Variants in DCC observed in about 807,000 individuals in gnomAD.
The protein encoded by DCC is DCC netrin 1 receptor.
In DCC, 58 loss-of-function variants were observed where a neutral mutation model predicts 172.5. The observed-to-expected ratio is 0.34, with a 90% confidence interval of 0.27 to 0.42. The LOEUF is 0.42. DCC is among the 10% of genes least tolerant of loss of function. The pLI is 1.00. For synonymous variants in DCC, 709 were observed against 644.5 expected (o/e 1.10, Z -1.52); for missense variants, 1,740 against 1,791.0 (o/e 0.97, Z 0.51).
intron 5 of DCC, among the ~76,000 whole-genome samples, chr18:53,055,706 C>G (rs531901639): frequency 1.3e-5 from 2 of 152,128 alleles, no homozygotes; most frequent in South Asian, 4.1e-4. Context: ...TGAGAGAGTA[C>G]AGATATGTAG....
At chr18:53,022,934 T>C (rs947234876) in intron 5 of DCC, among the ~76,000 whole-genome samples, 3 of 152,142 alleles carry the variant, frequency 2.0e-5, no homozygotes, top group Admixed American at 2.0e-4. Flanking sequence ...ATGTCAATGA[T>C]ATCCCCTTGA....
intron 13 of DCC, among the ~76,000 whole-genome samples, chr18:53,311,934 G>C (rs2057273397): frequency 2.0e-5 from 3 of 152,044 alleles, no homozygotes; most frequent in Admixed American, 1.3e-4. Flanking sequence ...CAATGCATTC[G>C]TGATTGTATC....
chr18:53,462,862 A>G (rs1382818172), intron 24 of DCC, among the ~76,000 whole-genome samples: 1 of 152,194 alleles, frequency 6.6e-6, no homozygotes, highest in Non-Finnish European at 1.5e-5. Context: ...AACTTTTCAC[A>G]TGCCCACTTG....
At position 53,058,294 on chromosome 18, in the gene DCC, A is replaced by G. The variant is rs575974824; in HGVS notation, c.986-5011A>G. Among the ~76,000 whole-genome samples the G allele has an allele frequency of 3.3e-5, 5 of 152,292 alleles. No individual in the cohort carries two copies. The South Asian group carries it at 1.0e-3, about 32-fold the overall frequency. ...CAGAAAAGGAATGAGAAAAAATAAG[A>G]TTTGAGCAGGGAAGTTTTTAACCTC... On this transcript the variant is annotated intron_variant, in intron 5 of 28. Coordinates refer to ENST00000442544, the MANE Select transcript of DCC (RefSeq NM_005215.4).
intron 7 of DCC, among the ~76,000 whole-genome samples, chr18:53,145,288 T>C (rs1262595541): frequency 6.6e-6 from 1 of 152,064 alleles, no homozygotes; most frequent in Non-Finnish European, 1.5e-5. Flanking sequence ...TAATTGTTTG[T>C]ATTTTTGGAA....
At chr18:53,195,789 A>G (rs548497795) in intron 9 of DCC, among the ~76,000 whole-genome samples, 1 of 152,192 alleles carries the variant, frequency 6.6e-6, no homozygotes, top group Non-Finnish European at 1.5e-5. Flanking sequence ...TTATCATCCC[A>G]GATTCCTATG....
At chr18:52,781,307 A>G (rs535124070) in intron 2 of DCC, among the ~76,000 whole-genome samples, 20 of 152,246 alleles carry the variant, frequency 1.3e-4, no homozygotes, top group African/African-American at 4.8e-4. Flanking sequence ...GTGCGGGAAG[A>G]TCAGAGTGAC....
chr18:52,658,905 A>C (rs908617169), intron 1 of DCC, among the ~76,000 whole-genome samples: 3 of 149,674 alleles, frequency 2.0e-5, no homozygotes, highest in Non-Finnish European at 4.5e-5. Flanking sequence ...CTTTGATCCC[A>C]ATGGAAGTTA....
intron 15 of DCC, among the ~76,000 whole-genome samples, chr18:53,343,302 C>A (rs893895514): frequency 1.3e-5 from 2 of 152,042 alleles, no homozygotes; most frequent in Non-Finnish European, 2.9e-5. Flanking sequence ...TACCTCTGGT[C>A]TCTTTAAGCC....
chr18:53,165,659 G>A (rs1377592493), intron 8 of DCC, among the ~76,000 whole-genome samples: 1 of 152,150 alleles, frequency 6.6e-6, no homozygotes, highest in African/African-American at 2.4e-5. Context: ...TATTTCTCCA[G>A]TGGACTTAAT....
chr18:52,840,036 A>C (rs1260635156), intron 2 of DCC, among the ~76,000 whole-genome samples: 2 of 152,190 alleles, frequency 1.3e-5, no homozygotes, highest in African/African-American at 4.8e-5. Context: ...TTTCTCGTTC[A>C]TTAGTTCTCC....
chr18:53,225,015 G>A (rs760806305), intron 12 of DCC, among the ~76,000 whole-genome samples: 10 of 152,110 alleles, frequency 6.6e-5, no homozygotes, highest in Non-Finnish European at 1.3e-4. Context: ...TTTAGAGATT[G>A]GGCAGATGAG....
At position 52,520,711 on chromosome 18, in the gene DCC, T is replaced by A. The variant is rs549195284; in HGVS notation, c.91+179833T>A. Among the ~76,000 whole-genome samples the A allele has an allele frequency of 2.8e-4, 43 of 151,210 alleles. 1 individual carries two copies. Among genetic ancestry groups the A allele is most frequent in the African/African-American group, 9.4e-4 (39 of 41,362 alleles). ...TGTTATATTATGACAAGGTTTTTTT[T>A]AAGAATTTAGGCAATGATTTTTTTT... On this transcript the variant is annotated intron_variant, in intron 1 of 28. Transcript: ENST00000442544.
chr18:52,783,361 T>TTTTTTTTTTTTTTTA (rs2037591293), intron 2 of DCC, among the ~76,000 whole-genome samples: 1 of 107,870 alleles, frequency 9.3e-6, no homozygotes, highest in African/African-American at 3.6e-5. Context: ...TTTTTTTTTT[T>TTTTTTTTTTTTTTTA]ACAACACAAA....
intron 1 of DCC, among the ~76,000 whole-genome samples, chr18:52,469,722 A>G (rs1002636369): frequency 2.6e-5 from 4 of 152,200 alleles, no homozygotes; most frequent in Admixed American, 2.0e-4. Flanking sequence ...AATTGCTCAT[A>G]TTACAGTAAA....
chr18:52,838,241 T>C (rs1260989665), intron 2 of DCC, among the ~76,000 whole-genome samples: 1 of 152,134 alleles, frequency 6.6e-6, no homozygotes, highest in South Asian at 2.1e-4. Flanking sequence ...TTAGAGGGGG[T>C]ATTATACTTT....
chr18:52,942,031 C>A (rs1472191538), intron 5 of DCC, among the ~76,000 whole-genome samples: 3 of 152,150 alleles, frequency 2.0e-5, no homozygotes, highest in African/African-American at 4.8e-5. Context: ...GGTGTGCCCA[C>A]CTTGGCTTCC....
At chr18:52,574,616 G>C (rs781203824) in intron 1 of DCC, among the ~76,000 whole-genome samples, 1 of 152,112 alleles carries the variant, frequency 6.6e-6, no homozygotes, top group Non-Finnish European at 1.5e-5. Flanking sequence ...AATTCTACTC[G>C]CTGAGTCATT....
At chr18:53,441,232 T>C (rs575386390) in intron 22 of DCC, among the ~76,000 whole-genome samples, 24 of 152,274 alleles carry the variant, frequency 1.6e-4, no homozygotes, top group African/African-American at 5.5e-4. Context: ...AAGTGTCCCA[T>C]TGTCAGATAA....
Sources: allele counts gnomAD v4.1 joint callset (sites outside exome capture counted in the v4.1 genomes callset), GRCh38; gene constraint gnomAD v4.1.1; transcripts MANE v1.5; gene names NCBI Gene and HGNC (gene_info 2026-07-23, HGNC 2026-07-21).